NRXN3: variants seen among roughly 807,000 people sequenced by gnomAD.
NRXN3 encodes neurexin 3, also known as neurexin III.
A neutral mutation model predicts 137.6 loss-of-function variants in NRXN3; 32 were observed. That is an observed-to-expected ratio of 0.23 (90% CI 0.18 to 0.31). The LOEUF is 0.31. Ranked by LOEUF, NRXN3 falls within the 10% of genes least tolerant of loss-of-function variation. The pLI is 1.00. For synonymous variants in NRXN3, 798 were observed against 784.5 expected, an observed-to-expected ratio of 1.02 and a Z score of -0.29; for missense variants, 1,574 against 2,062.5, an observed-to-expected ratio of 0.76 and a Z score of 4.59.
chr14:78,871,538 A>G (rs9323667), intron 10 of NRXN3, among the ~76,000 whole-genome samples: 3,460 of 152,230 alleles, frequency 0.023, 131 homozygotes, highest in African/African-American at 0.078. Context: ...CTGAGGTGCT[A>G]CACTGTTGGT....
chr14:79,531,475 G>A (rs1297386762), intron 16 of NRXN3, among the ~76,000 whole-genome samples: 1 of 152,180 alleles, frequency 6.6e-6, no homozygotes, highest in Non-Finnish European at 1.5e-5. Context: ...AAGGTGAATA[G>A]GGATAGTGTT....
chr14:78,225,017 C>T lies in NRXN3; in HGVS notation c.-703-17374C>T, dbSNP rs558991076. The stretch of plus-strand genomic sequence containing the variant: ...TCCTGACCTCATGATCCACCTGCCT[C>T]GGCCTCCCAAAGTGCTGGGATTACA... On this transcript the variant is annotated intron_variant, in intron 1 of 20. Coordinates refer to ENST00000335750, the MANE Select transcript of NRXN3 (RefSeq NM_001330195.2). Among the ~76,000 whole-genome samples the T allele has an allele frequency of 9.9e-5, 15 of 152,212 alleles. 1 individual carries two copies. The highest frequency in any genetic ancestry group is 2.1e-4 in the South Asian group (1 of 4,822).
intron 4 of NRXN3, among the ~76,000 whole-genome samples, chr14:78,482,205 A>G (rs979797865): frequency 1.5e-4 from 23 of 152,202 alleles, no homozygotes; most frequent in African/African-American, 5.5e-4. Flanking sequence ...ACTCTTGTCA[A>G]CTGATATTGT....
intron 19 of NRXN3, among the ~76,000 whole-genome samples, chr14:79,712,868 C>T (rs987168475): frequency 6.6e-6 from 1 of 152,146 alleles, no homozygotes; most frequent in Non-Finnish European, 1.5e-5. Flanking sequence ...GGGCCCTGCT[C>T]CTGTATTAAA....
chr14:78,613,578 G>GTTTTTT (rs57745190), intron 4 of NRXN3, among the ~76,000 whole-genome samples: 10 of 95,120 alleles, frequency 1.1e-4, no homozygotes, highest in African/African-American at 4.6e-4. Flanking sequence ...CACAACCATA[G>GTTTTTT]TTTTTTTTTT....
At chr14:79,288,058 C>G (rs919491272) in intron 15 of NRXN3, among the ~76,000 whole-genome samples, 4 of 152,224 alleles carry the variant, frequency 2.6e-5, no homozygotes, top group African/African-American at 7.2e-5. Context: ...TTAAACCTAT[C>G]TGAGTTCCAC....
intron 15 of NRXN3, among the ~76,000 whole-genome samples, chr14:79,412,717 A>G (rs1437194217): frequency 2.4e-5 from 3 of 126,714 alleles, no homozygotes; most frequent in African/African-American, 8.9e-5. Flanking sequence ...CAGGTGGCGG[A>G]GGTTGTAATG....
intron 16 of NRXN3, among the ~76,000 whole-genome samples, chr14:79,547,763 C>T (rs1376043539): frequency 6.6e-6 from 1 of 152,170 alleles, no homozygotes; most frequent in Non-Finnish European, 1.5e-5. Context: ...ATTTCCTATG[C>T]ATAGAAGCAC....
chr14:79,698,378 T>C (rs1183756220), intron 19 of NRXN3, among the ~76,000 whole-genome samples: 1 of 152,026 alleles, frequency 6.6e-6, no homozygotes, highest in African/African-American at 2.4e-5. Context: ...TTGAGGTCAA[T>C]GGGTACCATT....
At chr14:79,347,040 G>T (rs1055086556) in intron 15 of NRXN3, among the ~76,000 whole-genome samples, 1 of 152,112 alleles carries the variant, frequency 6.6e-6, no homozygotes, top group South Asian at 2.1e-4. Flanking sequence ...GAGGCATTAC[G>T]TGAGTTGGAG....
chr14:78,534,782 A>T (rs896014548), intron 4 of NRXN3, among the ~76,000 whole-genome samples: 8 of 152,092 alleles, frequency 5.3e-5, no homozygotes, highest in Non-Finnish European at 8.8e-5. Flanking sequence ...TTCCCCTAGG[A>T]CCCTCAGATT....
At chr14:79,765,834 C>A (rs2099054063) in intron 19 of NRXN3, among the ~76,000 whole-genome samples, 1 of 152,156 alleles carries the variant, frequency 6.6e-6, no homozygotes, top group South Asian at 2.1e-4. Flanking sequence ...AAGGAATCTT[C>A]CACTACTTTT....
At chr14:79,721,506 C>A (rs892072518) in intron 19 of NRXN3, among the ~76,000 whole-genome samples, 1 of 152,118 alleles carries the variant, frequency 6.6e-6, no homozygotes. Flanking sequence ...CTTCGATAGG[C>A]TCTTTCAAGA....
intron 10 of NRXN3, among the ~76,000 whole-genome samples, chr14:78,909,390 A>G (rs560657340): frequency 5.3e-5 from 8 of 152,260 alleles, no homozygotes; most frequent in African/African-American, 1.9e-4. Flanking sequence ...CTGAACGTCC[A>G]AATAAGAATA....
At chr14:79,484,937 T>C (rs1203191767) in intron 16 of NRXN3, among the ~76,000 whole-genome samples, 1 of 152,218 alleles carries the variant, frequency 6.6e-6, no homozygotes, top group Non-Finnish European at 1.5e-5. Flanking sequence ...TGTGTTCTTT[T>C]AAAATCTTTC....
intron 20 of NRXN3, among the ~76,000 whole-genome samples, chr14:79,825,305 C>T (rs910177015): frequency 4.0e-5 from 6 of 149,308 alleles, no homozygotes; most frequent in African/African-American, 1.2e-4. Flanking sequence ...AGCTTGAACT[C>T]GATAAATGTG....
intron 8 of NRXN3, among the ~76,000 whole-genome samples, chr14:78,750,334 T>C (rs2098635025): frequency 6.6e-6 from 1 of 152,178 alleles, no homozygotes; most frequent in South Asian, 2.1e-4. Context: ...TTCTTCATGC[T>C]GAAAGGCCAA....
chr14:78,791,645 G>A (rs1166816663), intron 8 of NRXN3, among the ~76,000 whole-genome samples: 11 of 152,064 alleles, frequency 7.2e-5, no homozygotes, highest in Non-Finnish European at 1.6e-4. Context: ...ACAGACAACG[G>A]GACTGAGAAT....
chr14:79,173,124 G>T (rs1453154451), intron 15 of NRXN3, among the ~76,000 whole-genome samples: 2 of 152,064 alleles, frequency 1.3e-5, no homozygotes, highest in African/African-American at 4.8e-5. Flanking sequence ...AATATTGGAA[G>T]AAAATTTGGA....
Sources: allele counts gnomAD v4.1 joint callset (sites outside exome capture counted in the v4.1 genomes callset), GRCh38; gene constraint gnomAD v4.1.1; transcripts MANE v1.5; gene names NCBI Gene and HGNC (gene_info 2026-07-23, HGNC 2026-07-21).